Variants in BLNK observed in about 807,000 individuals in gnomAD.
The protein encoded by BLNK is B-cell linker protein.
Under a neutral mutation model 73.5 loss-of-function variants are expected in BLNK, and 29 were observed. The ratio of observed to expected loss-of-function variants is 0.39; its 90% CI spans 0.29 to 0.54. The LOEUF is 0.54. Ranked by LOEUF, BLNK falls within the 20% of genes least tolerant of loss-of-function variation. BLNK has a pLI of 0.61. For synonymous variants in BLNK, 176 were observed against 200.8 expected (o/e 0.88, Z 1.04); for missense variants, 460 against 562.8 (o/e 0.82, Z 1.85).
At chr10:96,218,377 C>T (rs1554900321) in intron 6 of BLNK, among the ~76,000 whole-genome samples, 1 of 152,040 alleles carries the variant, frequency 6.6e-6, no homozygotes, top group Non-Finnish European at 1.5e-5. Flanking sequence ...AAGTAGTTTG[C>T]TCAAGTTGTC....
intron 2 of BLNK, among the ~76,000 whole-genome samples, chr10:96,245,752 G>T (rs561626197): frequency 6.6e-6 from 1 of 152,180 alleles, no homozygotes; most frequent in Admixed American, 6.5e-5. Context: ...TGACGAAAAT[G>T]TATGTGTATA....
chr10:96,209,943 C>T (rs1554898359), intron 8 of BLNK, 36 bp from the exon 9 acceptor site: 8 of 1,610,870 alleles, frequency 5.0e-6, no homozygotes, highest in Non-Finnish European at 5.1e-6. Flanking sequence ...TCCCCAAGTC[C>T]TGAGCCGGGG....
At chr10:96,204,252 ATAAG>A (rs2083736925) in intron 12 of BLNK, 164 bp from the exon 13 acceptor site, 1 of 816,262 alleles carries the variant, frequency 1.2e-6, no homozygotes, top group Admixed American at 2.2e-5. Flanking sequence ...AACCTTAAAG[ATAAG>A]TAAGACTCTT....
intron 10 of BLNK, 150 bp downstream of exon 10, chr10:96,207,722 T>C (rs1025033591): frequency 4.2e-5 from 38 of 896,140 alleles, no homozygotes; most frequent in Middle Eastern, 2.6e-4. Flanking sequence ...CCTGAGGATT[T>C]GAAGCTTCTC....
At chr10:96,211,080 C>T (rs2083937150) in intron 8 of BLNK, among the ~76,000 whole-genome samples, 2 of 151,960 alleles carry the variant, frequency 1.3e-5, no homozygotes, top group South Asian at 2.1e-4. Context: ...CCCAGGCTGG[C>T]CTTGAACTCC....
chr10:96,230,148 A>G (rs1842439624), intron 4 of BLNK, among the ~76,000 whole-genome samples: 1 of 152,198 alleles, frequency 6.6e-6, no homozygotes, highest in Admixed American at 6.5e-5. Flanking sequence ...GGCCTTGCAC[A>G]TTTCAGAGCT....
chr10:96,202,806 T>C (rs955189228), intron 13 of BLNK, among the ~76,000 whole-genome samples: 38 of 152,208 alleles, frequency 2.5e-4, no homozygotes, highest in African/African-American at 8.4e-4. Flanking sequence ...CCATGGCTAA[T>C]ATTTTCTGAC....
intron 13 of BLNK, 173 bp downstream of exon 13, chr10:96,203,884 C>T (rs1341792453): frequency 8.4e-6 from 4 of 474,796 alleles, no homozygotes; most frequent in Non-Finnish European, 1.5e-5. Flanking sequence ...TTCAAAACAA[C>T]TCTGTGAAAT....
chr10:96,237,891 G>A (rs1336112592), intron 3 of BLNK, among the ~76,000 whole-genome samples: 3 of 152,164 alleles, frequency 2.0e-5, no homozygotes, highest in Admixed American at 6.5e-5. Flanking sequence ...CTGCAAAACC[G>A]AGATCGTAAT....
intron 3 of BLNK, among the ~76,000 whole-genome samples, chr10:96,233,725 T>C (rs1445550411): frequency 6.6e-6 from 1 of 152,240 alleles, no homozygotes; most frequent in East Asian, 1.9e-4. Flanking sequence ...TGGAAGCTGG[T>C]GGCACCGTGA....
chr10:96,251,409 G>T (rs1554909090), intron 1 of BLNK, among the ~76,000 whole-genome samples: 1 of 152,206 alleles, frequency 6.6e-6, no homozygotes, highest in East Asian at 1.9e-4. Flanking sequence ...GTTCCAGGAG[G>T]GGTTGTTCTG....
intron 2 of BLNK, among the ~76,000 whole-genome samples, chr10:96,245,995 T>A (rs955373499): frequency 2.6e-5 from 4 of 152,170 alleles, no homozygotes; most frequent in Admixed American, 1.3e-4. Context: ...TAGTTTTATT[T>A]AAAAAATTTA....
chr10:96,253,791 C>A (rs574128310), intron 1 of BLNK, among the ~76,000 whole-genome samples: 1 of 151,654 alleles, frequency 6.6e-6, no homozygotes, highest in African/African-American at 2.4e-5. Context: ...CAAGGCGGGC[C>A]GATCATGAGG....
intron 7 of BLNK, 60 bp from the exon 8 acceptor site, chr10:96,215,449 T>C: frequency 6.8e-7 from 1 of 1,475,828 alleles, no homozygotes; most frequent in Non-Finnish European, 9.2e-7. Flanking sequence ...CCATTACAGA[T>C]ACATGCCATT....
At chr10:96,262,142 A>G (rs1340929494) in intron 1 of BLNK, among the ~76,000 whole-genome samples, 1 of 152,220 alleles carries the variant, frequency 6.6e-6, no homozygotes, top group Non-Finnish European at 1.5e-5. Context: ...GTGAGTGGGT[A>G]GGAGAGCTCT....
intron 1 of BLNK, among the ~76,000 whole-genome samples, chr10:96,258,672 T>A (rs192407332): frequency 6.6e-6 from 1 of 152,230 alleles, no homozygotes; most frequent in Admixed American, 6.5e-5. Flanking sequence ...GTGATTATAG[T>A]ACAAGCCCAG....
chr10:96,220,710 A>C (rs1255505238), intron 6 of BLNK, among the ~76,000 whole-genome samples: 2 of 151,904 alleles, frequency 1.3e-5, no homozygotes, highest in Non-Finnish European at 2.9e-5. Flanking sequence ...GAAGCCAGGT[A>C]GATTATTATA....
chr10:96,246,686 C>T (rs1843057832), intron 2 of BLNK, among the ~76,000 whole-genome samples: 1 of 152,236 alleles, frequency 6.6e-6, no homozygotes, highest in Admixed American at 6.5e-5. Flanking sequence ...TAGCCCTTAG[C>T]TAAATGGTTA....
chr10:96,213,452 C>A (rs2133992537), intron 8 of BLNK, among the ~76,000 whole-genome samples: 1 of 152,322 alleles, frequency 6.6e-6, no homozygotes, highest in South Asian at 2.1e-4. Flanking sequence ...TCTCTGAGGG[C>A]TACAGAAACC....
Sources: allele counts gnomAD v4.1 joint callset (sites outside exome capture counted in the v4.1 genomes callset), GRCh38; gene constraint gnomAD v4.1.1; transcripts MANE v1.5; gene names NCBI Gene and HGNC (gene_info 2026-07-23, HGNC 2026-07-21).